Variants in BCR observed in about 807,000 individuals in gnomAD.
The protein encoded by BCR is BCR activator of RhoGEF and GTPase.
A neutral mutation model predicts 138.6 loss-of-function variants in BCR; 58 were observed. The observed-to-expected ratio is 0.42, with a 90% CI of 0.34 to 0.52. The LOEUF is 0.52. Among genes scored for constraint, BCR ranks in the 20% least tolerant of loss-of-function variants. The probability of loss-of-function intolerance (pLI) is 0.06; values close to 1 mark genes in which losing one functional copy is unlikely to be tolerated. For missense variants in BCR, 1,599 were observed against 1,727.2 expected, an observed-to-expected ratio of 0.93 and a Z score of 1.32; for synonymous variants, 786 against 730.1, an observed-to-expected ratio of 1.08 and a Z score of -1.23.
At position 23,181,774 on chromosome 22, in the gene BCR, C is replaced by T; in HGVS notation, c.814C>T (p.Pro272Ser). 3.1e-6 allele frequency: 5 copies of T among 1,606,832 alleles called. No individual in the cohort carries two copies. Among genetic ancestry groups the T allele is most frequent in the Non-Finnish European group, 4.2e-6 (5 of 1,179,978 alleles). The change falls in exon 1 of 23, where the codon CCG becomes TCG. Residue 272 changes from proline (P) to serine (S), a missense_variant. By Grantham distance (74) the Pro-to-Ser change is moderately conservative (BLOSUM62 -1). Around this residue, in one of 4 missense-constraint regions of BCR, gnomAD observed 806 missense variants for 635.0 expected, o/e 1.27. Transcript: ENST00000305877. ...CAATGGCGGTAGCAGGCCCCCTTGG[C>T]CGCCCCTGGAGTACCAGCCCTACCA... is the stretch of plus-strand genomic sequence containing the variant. ...DANGGSRPPW[P>S]PLEYQPYQSI...
At chr22:23,237,030 A>G (rs190636392) in intron 1 of BCR, among the ~76,000 whole-genome samples, 3 of 152,200 alleles carry the variant, frequency 2.0e-5, no homozygotes, top group Admixed American at 6.5e-5. Flanking sequence ...GGCGTCAGAT[A>G]CCTCTGAGAG....
At chr22:23,217,011 G>C (rs2072762136) in intron 1 of BCR, 1 of 450,938 alleles carries the variant, frequency 2.2e-6, no homozygotes, top group Non-Finnish European at 4.4e-6. Flanking sequence ...TCTACCTCTT[G>C]ATGGGAGGAG....
rs763492884 is a variant in BCR at position 23,182,113 on chromosome 22, A to C, written c.1153A>C (p.Thr385Pro). 4 of 1,611,808 alleles carry C rather than the reference A, an allele frequency of 2.5e-6. No homozygotes were observed. The highest frequency in any genetic ancestry group is 3.4e-6 in the Non-Finnish European group (4 of 1,179,990). ...GTCCTTCGACAGCAGCAGTCCCCCC[A>C]CGCCGCAGTGCCATAAGCGGCACCG... ...QQSFDSSSPPTPQCHKRHRHC... is the reference protein window; with the variant it reads ...QQSFDSSSPPPPQCHKRHRHC... Residue 385 changes from threonine to proline, a missense_variant, in exon 1 of 23, where the codon ACG (threonine) becomes CCG (proline). By Grantham distance (38) the Thr-to-Pro change is conservative. Transcript: ENST00000305877.
chr22:23,191,900 T>C (rs550811674), intron 1 of BCR, among the ~76,000 whole-genome samples: 1 of 152,314 alleles, frequency 6.6e-6, no homozygotes, highest in South Asian at 2.1e-4. Flanking sequence ...TCTGTTTCCT[T>C]CTTTGCTGGT....
At chr22:23,265,295 TAC>T (rs1281744287) in intron 4 of BCR, among the ~76,000 whole-genome samples, 1 of 152,196 alleles carries the variant, frequency 6.6e-6, no homozygotes, top group Non-Finnish European at 1.5e-5. Context: ...ACGAGCTGAG[TAC>T]TCACGTGTGT....
intron 8 of BCR, among the ~76,000 whole-genome samples, chr22:23,275,915 A>G (rs2073570321): frequency 6.6e-6 from 1 of 152,080 alleles, no homozygotes; most frequent in Non-Finnish European, 1.5e-5. Context: ...TAGCATTCCT[A>G]GAGACAAGGA....
chr22:23,309,279 C>G (rs1014662951), intron 16 of BCR, 145 bp from the exon 17 acceptor site: 1 of 774,362 alleles, frequency 1.3e-6, no homozygotes. Context: ...TACTCTACCT[C>G]TGTTGGCCTC....
At chr22:23,226,305 TGAGAGA>T (rs67417858) in intron 1 of BCR, among the ~76,000 whole-genome samples, 6,938 of 148,976 alleles carry the variant, frequency 0.047, 185 homozygotes, top group African/African-American at 0.057. Flanking sequence ...ATTAAGTGTA[TGAGAGA>T]GAGAGAGAGA....
chr22:23,255,243 G>C (rs930137712), intron 2 of BCR, among the ~76,000 whole-genome samples: 12 of 152,156 alleles, frequency 7.9e-5, no homozygotes, highest in Non-Finnish European at 1.8e-4. Flanking sequence ...TGAACCGAGA[G>C]GATGGGAGAG....
chr22:23,313,852 G>T, intron 20 of BCR, 116 bp from the exon 21 acceptor site: 1 of 867,260 alleles, frequency 1.2e-6, no homozygotes. Flanking sequence ...TGAGACTGAG[G>T]ATGATGACGA....
At chr22:23,182,685 C>T (rs1452971883) in intron 1 of BCR, among the ~76,000 whole-genome samples, 1 of 152,196 alleles carries the variant, frequency 6.6e-6, no homozygotes, top group Non-Finnish European at 1.5e-5. Flanking sequence ...TCCCCGCCAC[C>T]CCACTGATCC....
chr22:23,297,572 C>A (rs1602118585), intron 16 of BCR, among the ~76,000 whole-genome samples: 1 of 152,182 alleles, frequency 6.6e-6, no homozygotes, highest in East Asian at 1.9e-4. Context: ...CTGTCTCCCC[C>A]ACCCAGCCTA....
chr22:23,290,256 G>T, intron 13 of BCR, 83 bp from the exon 14 acceptor site: 1 of 1,404,574 alleles, frequency 7.1e-7, no homozygotes, highest in Non-Finnish European at 1.0e-6. Context: ...CCACCGGATG[G>T]TTGATTTTGA....
chr22:23,299,189 G>A (rs531232499), intron 16 of BCR, among the ~76,000 whole-genome samples: 4 of 152,016 alleles, frequency 2.6e-5, no homozygotes, highest in Admixed American at 2.6e-4. Flanking sequence ...GTAGAGATGG[G>A]GTTTCACCGT....
At position 23,315,618 on chromosome 22, in the gene BCR, G is replaced by C. The variant is rs2074062932; in HGVS notation, c.*96G>C. ...GCGGGAACCTTCCTGAGGTGTCCTT[G>C]GGCCACCCCCAAGTGTTGGGCCATC... is the stretch of plus-strand genomic sequence containing the variant. On this transcript the variant is annotated 3_prime_UTR_variant, in exon 23 of 23. Transcript: ENST00000305877. 1 of 1,166,848 alleles carries C rather than the reference G, an allele frequency of 8.6e-7. No homozygotes were observed. The allele number at this position is 1,166,848 out of a possible 1,614,324, so 72.3% of individuals were successfully genotyped here.
chr22:23,229,875 A>G (rs1172597039), intron 1 of BCR, among the ~76,000 whole-genome samples: 1 of 152,156 alleles, frequency 6.6e-6, no homozygotes. Context: ...TGGTTAGTGT[A>G]GAGTGGAAAG....
rs1014619782 is a variant in BCR, at chr22:23,315,098, T to C, written c.3727-335T>C. 5.9e-5 allele frequency among the ~76,000 whole-genome samples: 9 copies of C among 152,182 alleles called. No individual in the cohort carries two copies. In the East Asian group the frequency reaches 9.7e-4, roughly 16 times the overall value. ...AATTAGCCAGGCATTGTGGCACACA[T>C]CTGTAATCCTAGGTATCTGGGAGGC... On this transcript the variant is annotated intron_variant, in intron 22 of 22. Transcript: ENST00000305877.
intron 8 of BCR, among the ~76,000 whole-genome samples, chr22:23,279,745 C>T (rs981534302): frequency 3.3e-5 from 5 of 152,226 alleles, no homozygotes; most frequent in African/African-American, 9.6e-5. Context: ...GTTCGTGTAC[C>T]TGGGGAAGTT....
intron 16 of BCR, among the ~76,000 whole-genome samples, chr22:23,304,587 A>T (rs1229611062): frequency 4.6e-5 from 7 of 152,184 alleles, no homozygotes; most frequent in Non-Finnish European, 1.0e-4. Flanking sequence ...TCATTCACTG[A>T]GTAAACACCT....
Sources: gnomAD v4.1 joint callset for allele counts (sites outside exome capture counted in the v4.1 genomes callset) on GRCh38, gnomAD v4.1.1 for gene constraint, gnomAD v4.1.1 regional missense constraint, MANE v1.5 for transcripts, NCBI Gene and HGNC (gene_info 2026-07-23, HGNC 2026-07-21) for gene names.